Variants in CACNB2 observed in about 807,000 individuals in gnomAD.
The protein encoded by CACNB2 is calcium voltage-gated channel auxiliary subunit beta 2, also known as voltage-dependent L-type calcium channel subunit beta-2.
A neutral mutation model predicts 73.3 loss-of-function variants in CACNB2; 42 were observed. The observed-to-expected ratio is 0.57, with a 90% CI of 0.45 to 0.74. The LOEUF (loss-of-function observed/expected upper bound fraction) is 0.74, where lower values mean the gene tolerates loss of function less well. Among genes scored for constraint, CACNB2 ranks in the 30% least tolerant of loss-of-function variants. The pLI is 0.00. For synonymous variants in CACNB2, 348 were observed against 310.3 expected (o/e 1.12, Z -1.28); for missense variants, 940 against 853.0 (o/e 1.10, Z -1.27).
At chr10:18,500,670 G>T in intron 4 of CACNB2, 142 bp from the exon 5 acceptor site, 1 of 841,852 alleles carries the variant, frequency 1.2e-6, no homozygotes, top group Non-Finnish European at 2.0e-6. Context: ...TGAAACCCAT[G>T]AGCCGAAGGG....
chr10:18,188,299 C>A (rs925885175), intron 2 of CACNB2, among the ~76,000 whole-genome samples: 1 of 151,848 alleles, frequency 6.6e-6, no homozygotes, highest in African/African-American at 2.4e-5. Flanking sequence ...TTCCTTCCTG[C>A]CCACCTGCCT....
chr10:18,399,786 G>C (rs945708356), intron 2 of CACNB2, among the ~76,000 whole-genome samples: 20 of 152,078 alleles, frequency 1.3e-4, no homozygotes, highest in Admixed American at 1.2e-3. Flanking sequence ...TACAATGAGA[G>C]CATTTTGTTT....
At chr10:18,509,277 T>C (rs939508361) in intron 6 of CACNB2, among the ~76,000 whole-genome samples, 15 of 152,196 alleles carry the variant, frequency 9.9e-5, no homozygotes, top group African/African-American at 3.1e-4. Context: ...AAAGGTCTCA[T>C]CTATTATTCT....
chr10:18,424,831 C>T (rs1056693614), intron 3 of CACNB2, among the ~76,000 whole-genome samples: 2 of 152,224 alleles, frequency 1.3e-5, no homozygotes, highest in African/African-American at 4.8e-5. Flanking sequence ...AATATGTGGT[C>T]TTCCAGTAGG....
intron 2 of CACNB2, among the ~76,000 whole-genome samples, chr10:18,160,392 A>T (rs2032371121): frequency 6.6e-6 from 1 of 152,022 alleles, no homozygotes; most frequent in East Asian, 1.9e-4. Flanking sequence ...ATTTTCTTCA[A>T]CTCTCAGATA....
At chr10:18,158,910 C>T (rs1027502751) in intron 2 of CACNB2, among the ~76,000 whole-genome samples, 1 of 152,114 alleles carries the variant, frequency 6.6e-6, no homozygotes, top group Non-Finnish European at 1.5e-5. Context: ...TGTACATCTG[C>T]AAATAAGTAC....
At chr10:18,519,644 T>C in intron 9 of CACNB2, 2 of 449,880 alleles carry the variant, frequency 4.4e-6, no homozygotes, top group South Asian at 3.2e-5. Flanking sequence ...CATCACCATG[T>C]AAAAATGTTA....
At chr10:18,207,262 G>A (rs1231248211) in intron 2 of CACNB2, among the ~76,000 whole-genome samples, 1 of 152,126 alleles carries the variant, frequency 6.6e-6, no homozygotes, top group Non-Finnish European at 1.5e-5. Flanking sequence ...GCCTACCTCT[G>A]CCTCCCAAAA....
intron 2 of CACNB2, chr10:18,238,351 GC>G (rs2036527443): frequency 6.6e-6 from 1 of 152,104 alleles, no homozygotes; most frequent in Non-Finnish European, 1.5e-5. Context: ...TTACTCGCGT[GC>G]CCTGATTCTG....
At chr10:18,307,983 C>CTTATTTTTTTTTTTTTTTTT (rs2039803586) in intron 2 of CACNB2, among the ~76,000 whole-genome samples, 1 of 70,268 alleles carries the variant, frequency 1.4e-5, no homozygotes, top group African/African-American at 6.0e-5. Context: ...TATATGCCAA[C>CTTATTTTTTTTTTTTTTTTT]TTTTTTTTTT....
Position 18,197,235 on chromosome 10 carries a change from G to A in CACNB2, c.213+46260G>A, listed in dbSNP as rs138152027. 3.2e-3 allele frequency among the ~76,000 whole-genome samples: 483 copies of A among 152,280 alleles called. 1 individual carries two copies. The highest frequency in any genetic ancestry group is 0.011 in the African/African-American group (464 of 41,568). On this transcript the variant is annotated intron_variant, in intron 2 of 13. Coordinates refer to ENST00000324631, the MANE Select transcript of CACNB2 (RefSeq NM_201596.3). ...GGGCCTGGCCCACAGGGAACACTCAGTAAATGCTTCCTGAATGAGCAAATC... is the reference window on the plus strand; with the variant it reads ...GGGCCTGGCCCACAGGGAACACTCAATAAATGCTTCCTGAATGAGCAAATC...
intron 2 of CACNB2, among the ~76,000 whole-genome samples, chr10:18,166,909 A>G (rs1183887491): frequency 5.3e-5 from 8 of 152,166 alleles, no homozygotes; most frequent in Admixed American, 3.9e-4. Context: ...AAAAATAAAT[A>G]AAATAAAAAA....
At chr10:18,412,419 C>G (rs537867400) in intron 3 of CACNB2, among the ~76,000 whole-genome samples, 14 of 152,026 alleles carry the variant, frequency 9.2e-5, no homozygotes, top group Admixed American at 7.9e-4. Context: ...CTATTTTTTT[C>G]CCTTCTTTCT....
chr10:18,236,013 G>GT (rs2036429753), intron 2 of CACNB2, among the ~76,000 whole-genome samples: 1 of 152,124 alleles, frequency 6.6e-6, no homozygotes, highest in Admixed American at 6.5e-5. Context: ...TAACATGGCT[G>GT]TTTTCCCTTC....
At chr10:18,412,567 G>C (rs1307223345) in intron 3 of CACNB2, among the ~76,000 whole-genome samples, 1 of 152,130 alleles carries the variant, frequency 6.6e-6, no homozygotes, top group Non-Finnish European at 1.5e-5. Flanking sequence ...CAAAGCCACT[G>C]ACCTTTTATT....
intron 2 of CACNB2, among the ~76,000 whole-genome samples, chr10:18,371,350 TC>T (rs1276488698): frequency 1.3e-5 from 2 of 152,158 alleles, no homozygotes; most frequent in South Asian, 2.1e-4. Context: ...ATGCTATCCC[TC>T]CCCCCTTTCC....
At chr10:18,223,646 C>G (rs1056964934) in intron 2 of CACNB2, among the ~76,000 whole-genome samples, 1 of 152,004 alleles carries the variant, frequency 6.6e-6, no homozygotes, top group Non-Finnish European at 1.5e-5. Flanking sequence ...TCAGTATAAA[C>G]TATTATATGG....
At chr10:18,301,685 G>T (rs2039517917) in intron 2 of CACNB2, among the ~76,000 whole-genome samples, 1 of 146,082 alleles carries the variant, frequency 6.8e-6, no homozygotes, top group African/African-American at 2.5e-5. Context: ...GTCTTGCTCT[G>T]TCACCCAGGC....
chr10:18,346,437 C>G (rs2041459420), intron 2 of CACNB2, among the ~76,000 whole-genome samples: 1 of 152,058 alleles, frequency 6.6e-6, no homozygotes, highest in Non-Finnish European at 1.5e-5. Flanking sequence ...TGCACCCGGC[C>G]AGAACTGGAA....
Sources: gnomAD v4.1 joint callset for allele counts (sites outside exome capture counted in the v4.1 genomes callset) on GRCh38, gnomAD v4.1.1 for gene constraint, MANE v1.5 for transcripts, NCBI Gene and HGNC (gene_info 2026-07-23, HGNC 2026-07-21) for gene names.